Variants in ARHGAP24 observed in about 807,000 individuals in gnomAD.
The protein encoded by ARHGAP24 is rho GTPase-activating protein 24.
In ARHGAP24, 50 loss-of-function variants were observed where a neutral mutation model predicts 76.4. That is an observed-to-expected ratio of 0.65 (90% CI 0.52 to 0.83). The LOEUF (loss-of-function observed/expected upper bound fraction) is 0.83. Among genes scored for constraint, ARHGAP24 ranks in the 40% least tolerant of loss-of-function variants. The probability of loss-of-function intolerance (pLI) is 0.00; values close to 1 mark genes in which losing one functional copy is unlikely to be tolerated. For missense variants in ARHGAP24, 930 were observed against 914.2 expected, an observed-to-expected ratio of 1.02 and a Z score of -0.22; for synonymous variants, 345 against 323.3, an observed-to-expected ratio of 1.07 and a Z score of -0.72.
At chr4:85,569,998 A>G (rs1356739060) in intron 1 of ARHGAP24, among the ~76,000 whole-genome samples, 1 of 152,296 alleles carries the variant, frequency 6.6e-6, no homozygotes, top group East Asian at 1.9e-4. Flanking sequence ...TTCTTCACAC[A>G]TTGCCTCTAG....
chr4:85,518,855 G>A (rs1250793824), intron 1 of ARHGAP24, among the ~76,000 whole-genome samples: 1 of 152,146 alleles, frequency 6.6e-6, no homozygotes, highest in Non-Finnish European at 1.5e-5. Context: ...TTCGAATAAT[G>A]ACTTCTTTTC....
intron 2 of ARHGAP24, among the ~76,000 whole-genome samples, chr4:85,612,095 C>T (rs1272075784): frequency 6.8e-6 from 1 of 145,990 alleles, no homozygotes; most frequent in African/African-American, 2.5e-5. Flanking sequence ...CACACACACA[C>T]ACACACACAC....
intron 8 of ARHGAP24, among the ~76,000 whole-genome samples, chr4:85,984,743 A>T (rs1476231835): frequency 6.6e-6 from 1 of 152,228 alleles, no homozygotes; most frequent in Non-Finnish European, 1.5e-5. Flanking sequence ...ACCATTCTGC[A>T]TTCAGGAATC....
chr4:85,824,401 A>C (rs1729616006), intron 3 of ARHGAP24, among the ~76,000 whole-genome samples: 1 of 152,284 alleles, frequency 6.6e-6, no homozygotes, highest in South Asian at 2.1e-4. Context: ...CATCCGACTC[A>C]TCCATGAACC....
At chr4:85,759,272 C>T (rs1168144582) in intron 3 of ARHGAP24, among the ~76,000 whole-genome samples, 1 of 151,904 alleles carries the variant, frequency 6.6e-6, no homozygotes, top group Admixed American at 6.6e-5. Context: ...AAAGGTATAA[C>T]CAAATGTTAG....
chr4:85,825,184 ACT>A (rs1454344689), intron 3 of ARHGAP24, among the ~76,000 whole-genome samples: 8 of 152,102 alleles, frequency 5.3e-5, no homozygotes, highest in African/African-American at 1.7e-4. Flanking sequence ...AGTGCCTAAA[ACT>A]CTGTTTCCAC....
chr4:85,778,088 T>C (rs2110082247), intron 3 of ARHGAP24, among the ~76,000 whole-genome samples: 1 of 152,328 alleles, frequency 6.6e-6, no homozygotes, highest in Admixed American at 6.5e-5. Flanking sequence ...AGAACACTTA[T>C]TCTGCCACCT....
intron 5 of ARHGAP24, among the ~76,000 whole-genome samples, chr4:85,962,788 A>C (rs750184341): frequency 6.6e-6 from 1 of 151,420 alleles, no homozygotes; most frequent in Non-Finnish European, 1.5e-5. Flanking sequence ...TAAAAGTCTT[A>C]AGCAAACTAA....
chr4:85,621,831 T>G (rs1379686650), intron 2 of ARHGAP24, among the ~76,000 whole-genome samples: 1 of 152,158 alleles, frequency 6.6e-6, no homozygotes, highest in Non-Finnish European at 1.5e-5. Flanking sequence ...AGTCATAAAT[T>G]CTTTGCCTAG....
At position 85,550,234 on chromosome 4, in the gene ARHGAP24, G is replaced by T. The variant is rs1726075078; in HGVS notation, c.-20-20288G>T. Among the ~76,000 whole-genome samples the T allele has an allele frequency of 2.0e-5, 3 of 152,172 alleles. No homozygotes were observed. In the South Asian group the frequency reaches 6.2e-4, roughly 32 times the overall value. On this transcript the variant is annotated intron_variant, in intron 1 of 9. Transcript: ENST00000395184. Reference sequence around the variant, plus strand: ...CATACCCACCATATGTATGGTATAAGGAAAGGGTCCAGTTTCAATCTTCTG... The same window carrying T: ...CATACCCACCATATGTATGGTATAATGAAAGGGTCCAGTTTCAATCTTCTG...
At chr4:85,676,892 G>T in intron 2 of ARHGAP24, among the ~76,000 whole-genome samples, 1 of 152,156 alleles carries the variant, frequency 6.6e-6, no homozygotes, top group Non-Finnish European at 1.5e-5. Flanking sequence ...TCCTATTCCA[G>T]TGTCATTAAA....
chr4:85,620,386 G>A (rs1361977724), intron 2 of ARHGAP24, among the ~76,000 whole-genome samples: 1 of 151,878 alleles, frequency 6.6e-6, no homozygotes, highest in Non-Finnish European at 1.5e-5. Context: ...TTGATAGGTT[G>A]TATGTTCCCG....
chr4:85,699,445 CA>C (rs1366845876), intron 2 of ARHGAP24, among the ~76,000 whole-genome samples: 1 of 151,942 alleles, frequency 6.6e-6, no homozygotes, highest in Non-Finnish European at 1.5e-5. Flanking sequence ...AATAATTTTT[CA>C]AAAAAGTTAG....
rs535812049 is a variant in ARHGAP24 at position 85,779,128 on chromosome 4, A to C, written c.268+57156A>C. Among the ~76,000 whole-genome samples the C allele has an allele frequency of 5.3e-5, 8 of 152,024 alleles. No individual in the cohort carries two copies. The South Asian group carries it at 1.7e-3, about 32-fold the overall frequency. On this transcript the variant is annotated intron_variant, in intron 3 of 9. Coordinates refer to ENST00000395184, the MANE Select transcript of ARHGAP24 (RefSeq NM_001025616.3). ...TAACTGTATTATTTTCTGGCTGTTG[A>C]TATTTGAAACTACTCGGATTTTGCT...
chr4:85,765,133 G>A lies in ARHGAP24; in HGVS notation c.268+43161G>A, dbSNP rs926725148. Among the ~76,000 whole-genome samples the A allele has an allele frequency of 2.0e-5, 3 of 152,032 alleles. No individual in the cohort carries two copies. The South Asian group carries it at 6.2e-4, about 31-fold the overall frequency. On this transcript the variant is annotated intron_variant, in intron 3 of 9. Coordinates refer to ENST00000395184, the MANE Select transcript of ARHGAP24 (RefSeq NM_001025616.3). ...TAATTCCTGAAACTAATATTTAAAT[G>A]AAAGTAAACTCTTCAGCTGAATACA...
chr4:85,755,423 A>G (rs1726438864), intron 3 of ARHGAP24, among the ~76,000 whole-genome samples: 2 of 152,094 alleles, frequency 1.3e-5, no homozygotes, highest in Non-Finnish European at 2.9e-5. Flanking sequence ...GGAGGTGCTC[A>G]TCTCCAGCAC....
intron 3 of ARHGAP24, among the ~76,000 whole-genome samples, chr4:85,849,350 G>A (rs566274905): frequency 6.6e-6 from 1 of 151,882 alleles, no homozygotes; most frequent in Admixed American, 6.6e-5. Context: ...ATTTTGGGCT[G>A]AGACGATGGG....
intron 2 of ARHGAP24, among the ~76,000 whole-genome samples, chr4:85,704,445 T>G (rs139546435): frequency 2.8e-4 from 42 of 152,198 alleles, no homozygotes; most frequent in African/African-American, 9.4e-4. Flanking sequence ...TATAAGATAG[T>G]TTTGGAATGG....
At chr4:85,952,489 A>G (rs536611548) in intron 5 of ARHGAP24, among the ~76,000 whole-genome samples, 1 of 152,354 alleles carries the variant, frequency 6.6e-6, no homozygotes, top group South Asian at 2.1e-4. Context: ...TTTGAATGAG[A>G]AGAAACACTT....
Sources: allele counts gnomAD v4.1 joint callset (sites outside exome capture counted in the v4.1 genomes callset), GRCh38; gene constraint gnomAD v4.1.1; transcripts MANE v1.5; gene names NCBI Gene and HGNC (gene_info 2026-07-23, HGNC 2026-07-21).